Variants in DOCK5 observed in about 807,000 individuals in gnomAD.
DOCK5 encodes dedicator of cytokinesis 5.
DOCK5 carries 142 observed loss-of-function variants against 251.8 expected under a neutral mutation model. The ratio of observed to expected loss-of-function variants is 0.56; its 90% CI spans 0.49 to 0.65. The LOEUF (loss-of-function observed/expected upper bound fraction) is 0.65. Ranked by LOEUF, DOCK5 falls within the 30% of genes least tolerant of loss-of-function variation. The pLI is 0.00. For synonymous variants in DOCK5, 842 were observed against 835.5 expected (o/e 1.01, Z -0.13); for missense variants, 2,111 against 2,312.3 (o/e 0.91, Z 1.79).
intron 47 of DOCK5, among the ~76,000 whole-genome samples, chr8:25,402,573 G>A (rs1801457441): frequency 1.3e-5 from 2 of 151,830 alleles, no homozygotes; most frequent in South Asian, 2.1e-4. Context: ...TGGGATTACA[G>A]GTGTGAGCCA....
Position 25,406,806 on chromosome 8 carries a change from TTAGTA to T in DOCK5, c.5094-1176_5094-1172del, listed in dbSNP as rs544094963. Among the ~76,000 whole-genome samples the T allele has an allele frequency of 9.9e-4, 151 of 152,220 alleles. 2 individuals are homozygous for T. The South Asian group carries it at 0.031, about 31-fold the overall frequency. ...CCACGCCTGGTGAAGTTTTATATTC[TTAGTA>T]GAGACGAGGTTTCACCGTATTGGCC... is the stretch of plus-strand genomic sequence containing the variant. On this transcript the variant is annotated intron_variant, in intron 48 of 51. Coordinates refer to ENST00000276440, the MANE Select transcript of DOCK5 (RefSeq NM_024940.8).
chr8:25,278,715 G>T, intron 5 of DOCK5, 50 bp downstream of exon 5: 1 of 1,553,144 alleles, frequency 6.4e-7, no homozygotes. Flanking sequence ...TGGGTCCTCA[G>T]CCTGTAGGTC....
At chr8:25,228,567 T>G (rs1802588560) in intron 1 of DOCK5, among the ~76,000 whole-genome samples, 1 of 152,214 alleles carries the variant, frequency 6.6e-6, no homozygotes, top group East Asian at 1.9e-4. Flanking sequence ...GGGCAGAGTA[T>G]GCAGTAATTT....
intron 31 of DOCK5, among the ~76,000 whole-genome samples, chr8:25,367,329 A>T (rs1192483086): frequency 6.6e-6 from 1 of 152,198 alleles, no homozygotes; most frequent in Non-Finnish European, 1.5e-5. Flanking sequence ...ACACTCCTTC[A>T]GCACAGTTGC....
intron 2 of DOCK5, among the ~76,000 whole-genome samples, chr8:25,268,587 C>T (rs1360523810): frequency 6.6e-6 from 1 of 152,044 alleles, no homozygotes; most frequent in Admixed American, 6.6e-5. Flanking sequence ...TTCTATTCTT[C>T]CTCCAAAGGA....
chr8:25,203,148 T>A (rs565214918), intron 1 of DOCK5, among the ~76,000 whole-genome samples: 7 of 152,336 alleles, frequency 4.6e-5, no homozygotes, highest in African/African-American at 1.7e-4. Context: ...CAGATCATCA[T>A]AGAATATGAG....
rs1438932943 is a variant in DOCK5, at chr8:25,374,633, C to T, written c.3795C>T (p.Leu1265=). 4 of 1,613,982 alleles carry T rather than the reference C, an allele frequency of 2.5e-6. No homozygotes were observed. Among genetic ancestry groups the T allele is most frequent in the Non-Finnish European group, 8.5e-7 (1 of 1,179,872 alleles). ...ENYTEAAYTL[L]LHAELLQWSD... ...ACACAGAAGCTGCCTACACGCTTCT[C>T]TTGCACGCTGAGCTTCTGCAGGTGA... The change falls in exon 37 of 52, where the codon CTC becomes CTT. Residue 1265 remains leucine, a synonymous_variant. Transcript: ENST00000276440.
intron 6 of DOCK5, 105 bp from the exon 7 acceptor site, chr8:25,296,408 A>G (rs1804615597): frequency 7.0e-7 from 1 of 1,427,766 alleles, no homozygotes. Context: ...CTTGTCCAGC[A>G]TCTCCCTTTC....
chr8:25,372,799 C>T, intron 35 of DOCK5, 81 bp downstream of exon 35: 1 of 1,416,186 alleles, frequency 7.1e-7, no homozygotes, highest in Non-Finnish European at 9.4e-7. Flanking sequence ...AGGTAGATCC[C>T]ACAAACACAG....
chr8:25,366,102 T>G (rs1232728982), intron 30 of DOCK5, among the ~76,000 whole-genome samples: 4 of 152,236 alleles, frequency 2.6e-5, no homozygotes, highest in Admixed American at 6.5e-5. Flanking sequence ...CATGATGTAT[T>G]TAACCAAATT....
At chr8:25,329,075 C>CT (rs1282993388) in intron 18 of DOCK5, among the ~76,000 whole-genome samples, 4 of 152,098 alleles carry the variant, frequency 2.6e-5, no homozygotes, top group Non-Finnish European at 4.4e-5. Flanking sequence ...GACTTTTAAC[C>CT]TTTTGAGTCT....
intron 5 of DOCK5, among the ~76,000 whole-genome samples, chr8:25,279,057 C>T (rs762069723): frequency 1.3e-5 from 2 of 152,158 alleles, no homozygotes; most frequent in Admixed American, 6.5e-5. Flanking sequence ...CTCTTAGCCT[C>T]TTCATGTATA....
At chr8:25,312,372 T>C (rs1361374981) in intron 13 of DOCK5, among the ~76,000 whole-genome samples, 2 of 152,252 alleles carry the variant, frequency 1.3e-5, no homozygotes, top group Non-Finnish European at 2.9e-5. Context: ...GTTTACCTTT[T>C]AAATCTGGCT....
chr8:25,345,888 C>T (rs927383359), intron 26 of DOCK5, among the ~76,000 whole-genome samples: 7 of 151,986 alleles, frequency 4.6e-5, no homozygotes, highest in African/African-American at 1.2e-4. Context: ...CTCGCTCTGT[C>T]GCCCAGGCTG....
intron 44 of DOCK5, among the ~76,000 whole-genome samples, chr8:25,394,308 G>A (rs1470361202): frequency 6.6e-6 from 1 of 152,018 alleles, no homozygotes; most frequent in East Asian, 1.9e-4. Flanking sequence ...TCTGGAATAG[G>A]AGGTCATGTT....
chr8:25,245,541 CTT>C (rs572702332), intron 2 of DOCK5, among the ~76,000 whole-genome samples: 20 of 132,306 alleles, frequency 1.5e-4, no homozygotes, highest in Admixed American at 1.5e-4. Flanking sequence ...GTGCAAAGTT[CTT>C]TTTTTTTTTT....
intron 1 of DOCK5, among the ~76,000 whole-genome samples, chr8:25,242,002 G>C (rs140400212): frequency 0.045 from 6,807 of 151,042 alleles, 266 homozygotes; most frequent in Admixed American, 0.13. Context: ...GGGGCCTTTT[G>C]GGGGGTGGGG....
intron 49 of DOCK5, 118 bp from the exon 50 acceptor site, chr8:25,408,684 C>A: frequency 1.7e-6 from 2 of 1,206,770 alleles, no homozygotes; most frequent in Non-Finnish European, 1.2e-6. Context: ...GCTTAAAAAT[C>A]GCTCCTTCAG....
chr8:25,315,614 T>C (rs1380142547), intron 13 of DOCK5, among the ~76,000 whole-genome samples: 1 of 152,242 alleles, frequency 6.6e-6, no homozygotes, highest in Non-Finnish European at 1.5e-5. Context: ...CGAGACTGTT[T>C]CCATGTTTCC....
Sources: allele counts gnomAD v4.1 joint callset (sites outside exome capture counted in the v4.1 genomes callset), GRCh38; gene constraint gnomAD v4.1.1; transcripts MANE v1.5; gene names NCBI Gene and HGNC (gene_info 2026-07-23, HGNC 2026-07-21).